SORCS1: variants seen among roughly 807,000 people sequenced by gnomAD.
SORCS1 encodes the protein sortilin related VPS10 domain containing receptor 1.
In SORCS1, 60 loss-of-function variants were observed where a neutral mutation model predicts 146.1. The ratio of observed to expected loss-of-function variants is 0.41; its 90% CI spans 0.33 to 0.51. The LOEUF is 0.51. SORCS1 is among the 20% of genes least tolerant of loss of function. SORCS1 has a pLI of 0.21. For missense variants in SORCS1, 1,352 were observed against 1,487.6 expected (o/e 0.91, Z 1.50); for synonymous variants, 637 against 584.0 (o/e 1.09, Z -1.31).
chr10:106,659,789 G>A (rs546281719), intron 17 of SORCS1, among the ~76,000 whole-genome samples: 2 of 152,298 alleles, frequency 1.3e-5, no homozygotes, highest in Non-Finnish European at 2.9e-5. Context: ...GAGAAAGCAA[G>A]TCTCCATGTA....
At chr10:106,600,540 C>T in intron 23 of SORCS1, 6 of 985,278 alleles carry the variant, frequency 6.1e-6, no homozygotes, top group Non-Finnish European at 7.2e-6. Context: ...GTTTTCCACA[C>T]CACTTGTAGA....
At chr10:107,109,127 G>A (rs1048904229) in intron 1 of SORCS1, among the ~76,000 whole-genome samples, 2 of 152,170 alleles carry the variant, frequency 1.3e-5, no homozygotes, top group Admixed American at 6.5e-5. Context: ...CAGGGGCATG[G>A]TGCAAGCTGC....
intron 1 of SORCS1, among the ~76,000 whole-genome samples, chr10:107,094,511 C>G (rs887360017): frequency 1.3e-5 from 2 of 152,144 alleles, no homozygotes; most frequent in African/African-American, 4.8e-5. Flanking sequence ...GGGGGAATGA[C>G]AGATATAAAC....
chr10:106,617,330 CCTAT>C (rs1847439874), intron 21 of SORCS1, among the ~76,000 whole-genome samples: 1 of 152,022 alleles, frequency 6.6e-6, no homozygotes, highest in Non-Finnish European at 1.5e-5. Flanking sequence ...ATTTCCTTCT[CCTAT>C]CTAATTTCCA....
At chr10:106,595,933 CTAATAA>C (rs1388960041) in intron 24 of SORCS1, among the ~76,000 whole-genome samples, 4 of 152,176 alleles carry the variant, frequency 2.6e-5, no homozygotes, top group South Asian at 2.1e-4. Context: ...GCTTTAGTTG[CTAATAA>C]TAATAACAGT....
intron 4 of SORCS1, among the ~76,000 whole-genome samples, chr10:106,775,303 A>G (rs1322626460): frequency 6.6e-6 from 1 of 152,222 alleles, no homozygotes; most frequent in Non-Finnish European, 1.5e-5. Context: ...GACCAGATGC[A>G]CTGTGGCTTG....
chr10:107,057,985 T>C (rs1200732918), intron 1 of SORCS1, among the ~76,000 whole-genome samples: 1 of 152,088 alleles, frequency 6.6e-6, no homozygotes, highest in Non-Finnish European at 1.5e-5. Context: ...TGCCTGGCCT[T>C]ACTGGCCTTG....
chr10:106,601,011 G>T (rs1846206711), intron 23 of SORCS1, among the ~76,000 whole-genome samples: 1 of 152,210 alleles, frequency 6.6e-6, no homozygotes, highest in Non-Finnish European at 1.5e-5. Context: ...TGGGCTACAG[G>T]AGTGGGGATT....
chr10:106,798,707 T>C (rs1384618180), intron 3 of SORCS1, among the ~76,000 whole-genome samples: 1 of 152,186 alleles, frequency 6.6e-6, no homozygotes, highest in African/African-American at 2.4e-5. Context: ...TTTGGGTTGG[T>C]TCCAAGTCTT....
intron 2 of SORCS1, among the ~76,000 whole-genome samples, chr10:106,841,594 A>G (rs563300794): frequency 6.6e-6 from 1 of 152,314 alleles, no homozygotes; most frequent in Non-Finnish European, 1.5e-5. Flanking sequence ...AAATTCATTC[A>G]CTTGCTTTAT....
intron 23 of SORCS1, chr10:106,600,766 T>G (rs1486348499): frequency 1.2e-5 from 12 of 968,590 alleles, no homozygotes; most frequent in African/African-American, 1.8e-5. Flanking sequence ...TTTGAAGAGT[T>G]GAGACTAGAC....
At chr10:106,660,837 A>T (rs1270350860) in intron 17 of SORCS1, among the ~76,000 whole-genome samples, 1 of 152,144 alleles carries the variant, frequency 6.6e-6, no homozygotes, top group African/African-American at 2.4e-5. Flanking sequence ...TTCCATGAGG[A>T]ATTAATGGCC....
intron 18 of SORCS1, among the ~76,000 whole-genome samples, chr10:106,632,856 G>T (rs560404666): frequency 6.6e-6 from 1 of 152,276 alleles, no homozygotes; most frequent in East Asian, 1.9e-4. Context: ...AAAAGGAAGT[G>T]ATATCTGAGC....
intron 1 of SORCS1, among the ~76,000 whole-genome samples, chr10:107,145,564 C>T (rs1045797556): frequency 6.6e-6 from 1 of 152,142 alleles, no homozygotes; most frequent in Non-Finnish European, 1.5e-5. Context: ...ATTATAAACT[C>T]ATGATTTTGA....
intron 4 of SORCS1, among the ~76,000 whole-genome samples, chr10:106,763,444 G>A (rs1291414122): frequency 6.6e-6 from 1 of 152,082 alleles, no homozygotes; most frequent in African/African-American, 2.4e-5. Flanking sequence ...TCAAGTGGTG[G>A]GTATACAAAA....
intron 5 of SORCS1, among the ~76,000 whole-genome samples, chr10:106,748,323 C>T (rs565259182): frequency 1.7e-4 from 26 of 152,190 alleles, no homozygotes; most frequent in South Asian, 4.2e-4. Flanking sequence ...ACATCTGTTA[C>T]GGCGATGTGT....
intron 19 of SORCS1, among the ~76,000 whole-genome samples, chr10:106,621,046 C>T (rs1039649816): frequency 6.6e-6 from 1 of 152,092 alleles, no homozygotes; most frequent in East Asian, 1.9e-4. Context: ...TGAATGTGTT[C>T]GTGCATGTGT....
At chr10:107,125,502 C>T (rs1455050887) in intron 1 of SORCS1, among the ~76,000 whole-genome samples, 1 of 152,184 alleles carries the variant, frequency 6.6e-6, no homozygotes, top group Non-Finnish European at 1.5e-5. Flanking sequence ...TCACTACTCA[C>T]TCATCTTATT....
intron 1 of SORCS1, among the ~76,000 whole-genome samples, chr10:107,135,023 T>C (rs938791448): frequency 9.2e-5 from 14 of 152,216 alleles, no homozygotes; most frequent in Admixed American, 6.5e-4. Flanking sequence ...ATCTGTCCTG[T>C]CTGAACACAG....
Sources: gnomAD v4.1 joint callset for allele counts (sites outside exome capture counted in the v4.1 genomes callset) on GRCh38, gnomAD v4.1.1 for gene constraint, MANE v1.5 for transcripts, NCBI Gene and HGNC (gene_info 2026-07-23, HGNC 2026-07-21) for gene names.